GRM8: variants seen among roughly 807,000 people sequenced by gnomAD.
GRM8 encodes glutamate metabotropic receptor 8, also known as metabotropic glutamate receptor 8.
In GRM8, 47 loss-of-function variants were observed where a neutral mutation model predicts 87.2. The observed-to-expected ratio is 0.54, with a 90% confidence interval of 0.43 to 0.69. GRM8 has a LOEUF of 0.69. GRM8 is among the 30% of genes least tolerant of loss of function. The pLI, the probability that GRM8 is intolerant of heterozygous loss-of-function variation, is 0.00. For synonymous variants in GRM8, 396 were observed against 404.5 expected, an observed-to-expected ratio of 0.98 and a Z score of 0.25; for missense variants, 1,019 against 1,139.2, an observed-to-expected ratio of 0.89 and a Z score of 1.52.
At chr7:126,824,831 G>C (rs527505511) in intron 6 of GRM8, among the ~76,000 whole-genome samples, 100 of 152,304 alleles carry the variant, frequency 6.6e-4, no homozygotes, top group Non-Finnish European at 1.4e-3. Context: ...ACTGTTAGCA[G>C]TCCCATTATA....
chr7:126,606,901 A>G (rs1798416117), intron 8 of GRM8, among the ~76,000 whole-genome samples: 1 of 152,196 alleles, frequency 6.6e-6, no homozygotes, highest in Non-Finnish European at 1.5e-5. Context: ...AGATGTGTAT[A>G]TATGTGTACT....
At position 126,533,824 on chromosome 7, in the gene GRM8, A is replaced by AC; in HGVS notation, c.1557dup (p.Cys520ValfsTer2). 1 of 1,614,070 alleles carries AC rather than the reference A, an allele frequency of 6.2e-7. No homozygotes were observed. Among genetic ancestry groups the AC allele is most frequent in the East Asian group, 2.2e-5 (1 of 44,864 alleles). On this transcript the variant is annotated frameshift_variant, in exon 9 of 11. Transcript: ENST00000339582. LOFTEE classifies it high-confidence loss of function. ...GTTTTCTTCCTCTCCCCTGGCTTAC[A>AC]CGGCAGGCTGCAGACAGACGCCGGG...
intron 7 of GRM8, among the ~76,000 whole-genome samples, chr7:126,633,400 A>T (rs568863922): frequency 1.4e-4 from 22 of 152,306 alleles, no homozygotes; most frequent in African/African-American, 5.1e-4. Flanking sequence ...GAAAATAAAA[A>T]GGAAATGTGT....
At chr7:126,718,579 T>A (rs973126829) in intron 7 of GRM8, among the ~76,000 whole-genome samples, 1 of 152,196 alleles carries the variant, frequency 6.6e-6, no homozygotes, top group Non-Finnish European at 1.5e-5. Flanking sequence ...TTGCAGGGCA[T>A]CATAGCCAAC....
intron 3 of GRM8, among the ~76,000 whole-genome samples, chr7:126,980,263 G>A (rs1201684791): frequency 6.9e-6 from 1 of 145,816 alleles, no homozygotes; most frequent in Non-Finnish European, 1.5e-5. Context: ...TACTCTCATG[G>A]AGCTTACATT....
At chr7:127,216,481 G>GCA (rs1223452180) in intron 2 of GRM8, among the ~76,000 whole-genome samples, 1 of 132,406 alleles carries the variant, frequency 7.6e-6, no homozygotes, top group Non-Finnish European at 1.5e-5. Flanking sequence ...TCGCGCCACT[G>GCA]CACTCCAGCC....
chr7:126,996,032 G>A (rs1813146509), intron 3 of GRM8, among the ~76,000 whole-genome samples: 1 of 152,090 alleles, frequency 6.6e-6, no homozygotes, highest in Non-Finnish European at 1.5e-5. Context: ...TTACTGGCCA[G>A]AAGAGAGTGG....
chr7:126,600,718 G>T (rs1050367571), intron 8 of GRM8, among the ~76,000 whole-genome samples: 10 of 152,112 alleles, frequency 6.6e-5, no homozygotes, highest in African/African-American at 2.4e-4. Context: ...CTTGCTCAAT[G>T]TGTGAATAAT....
chr7:127,093,390 C>T (rs1335949468), intron 3 of GRM8, among the ~76,000 whole-genome samples: 1 of 152,102 alleles, frequency 6.6e-6, no homozygotes, highest in African/African-American at 2.4e-5. Flanking sequence ...CCATCTATCG[C>T]AGAGTTTCCT....
At chr7:126,552,455 A>G (rs1243878393) in intron 8 of GRM8, among the ~76,000 whole-genome samples, 3 of 152,182 alleles carry the variant, frequency 2.0e-5, no homozygotes, top group Non-Finnish European at 4.4e-5. Context: ...TTAGGAAATA[A>G]TAGCATAAAC....
At chr7:126,624,369 G>A (rs890187312) in intron 7 of GRM8, among the ~76,000 whole-genome samples, 4 of 151,986 alleles carry the variant, frequency 2.6e-5, no homozygotes, top group Non-Finnish European at 4.4e-5. Flanking sequence ...TGTTCTTCCC[G>A]ACTTGATCTT....
chr7:126,454,628 G>A (rs1447930483), intron 9 of GRM8, among the ~76,000 whole-genome samples: 1 of 151,674 alleles, frequency 6.6e-6, no homozygotes, highest in Non-Finnish European at 1.5e-5. Context: ...ACCTCAGAAT[G>A]TGACTGCATT....
intron 6 of GRM8, among the ~76,000 whole-genome samples, chr7:126,805,794 T>C (rs568954392): frequency 6.8e-4 from 103 of 152,286 alleles, no homozygotes; most frequent in African/African-American, 2.2e-3. Flanking sequence ...TGTCGGACTG[T>C]CTGAAAGCGT....
At chr7:126,905,744 G>A (rs1194960578) in intron 3 of GRM8, among the ~76,000 whole-genome samples, 1 of 152,042 alleles carries the variant, frequency 6.6e-6, no homozygotes, top group African/African-American at 2.4e-5. Context: ...AAGTTACCAT[G>A]GAATAGATAA....
chr7:126,693,794 C>T (rs1809073524), intron 7 of GRM8, among the ~76,000 whole-genome samples: 1 of 151,972 alleles, frequency 6.6e-6, no homozygotes, highest in Non-Finnish European at 1.5e-5. Context: ...GATCTCTGTG[C>T]CTTCTTATCA....
In GRM8 at chr7:126,576,335, T is replaced by G. The variant is rs541892523; in HGVS notation, c.1494+33027A>C. On this transcript the variant is annotated intron_variant, in intron 8 of 10. Transcript: ENST00000339582. The stretch of plus-strand genomic sequence containing the variant: ...TCTCACTCTGTCACCCAGGTTGGAG[T>G]GCAGCGATGTGATCTCCACCCACTG... Among the ~76,000 whole-genome samples the G allele has an allele frequency of 5.9e-5, 9 of 152,206 alleles. No individual in the cohort carries two copies. The South Asian group carries it at 1.9e-3, about 32-fold the overall frequency.
chr7:127,067,038 G>A (rs1215899890), intron 3 of GRM8, among the ~76,000 whole-genome samples: 2 of 152,186 alleles, frequency 1.3e-5, no homozygotes, highest in African/African-American at 2.4e-5. Flanking sequence ...AGTCTGTGCT[G>A]TCTCTTGTAC....
chr7:126,509,468 A>C (rs1277828462), intron 9 of GRM8, among the ~76,000 whole-genome samples: 2 of 152,120 alleles, frequency 1.3e-5, no homozygotes, highest in African/African-American at 2.4e-5. Flanking sequence ...TGTGAAATAA[A>C]TTACAAATTG....
chr7:127,088,385 C>A (rs570292034), intron 3 of GRM8, among the ~76,000 whole-genome samples: 5 of 152,148 alleles, frequency 3.3e-5, no homozygotes, highest in Non-Finnish European at 7.3e-5. Context: ...GAATGGAGAG[C>A]CTTTACAAAG....
Sources: allele counts gnomAD v4.1 joint callset (sites outside exome capture counted in the v4.1 genomes callset), GRCh38; gene constraint gnomAD v4.1.1; transcripts MANE v1.5; gene names NCBI Gene and HGNC (gene_info 2026-07-23, HGNC 2026-07-21).